Variants in CPEB1 observed in about 807,000 individuals in gnomAD.
CPEB1 encodes the protein cytoplasmic polyadenylation element binding protein 1.
In CPEB1, 7 loss-of-function variants were observed where a neutral mutation model predicts 65.8. The ratio of observed to expected loss-of-function variants is 0.11; its 90% CI spans 0.06 to 0.20. The LOEUF is 0.20. CPEB1 is among the 10% of genes least tolerant of loss of function. The pLI is 1.00. For missense variants in CPEB1, 551 were observed against 712.2 expected, an observed-to-expected ratio of 0.77 and a Z score of 2.58; for synonymous variants, 262 against 260.0, an observed-to-expected ratio of 1.01 and a Z score of -0.08.
At chr15:82,616,268 C>T (rs2044697627) in intron 3 of CPEB1, among the ~76,000 whole-genome samples, 1 of 152,032 alleles carries the variant, frequency 6.6e-6, no homozygotes, top group African/African-American at 2.4e-5. Flanking sequence ...TTAAACTGTG[C>T]ATTTTCCTCA....
intron 3 of CPEB1, among the ~76,000 whole-genome samples, chr15:82,624,074 T>C (rs982220324): frequency 1.3e-5 from 2 of 152,242 alleles, no homozygotes; most frequent in Non-Finnish European, 2.9e-5. Flanking sequence ...AGGTTCTTCA[T>C]AGAAAAATAT....
intron 5 of CPEB1, 140 bp downstream of exon 5, chr15:82,557,620 A>G (rs2150978436): frequency 2.9e-6 from 2 of 689,638 alleles, no homozygotes; most frequent in South Asian, 3.7e-5. Flanking sequence ...TGTCCACAAT[A>G]ATCTCCACTC....
intron 3 of CPEB1, among the ~76,000 whole-genome samples, chr15:82,578,776 A>T (rs112637824): frequency 6.6e-6 from 1 of 152,052 alleles, no homozygotes; most frequent in Admixed American, 6.5e-5. Flanking sequence ...AACAAACAAA[A>T]AAAACCCCAA....
At chr15:82,545,950 A>G (rs1357285150) in intron 12 of CPEB1, among the ~76,000 whole-genome samples, 2 of 152,194 alleles carry the variant, frequency 1.3e-5, no homozygotes, top group African/African-American at 4.8e-5. Context: ...ACCAAAGTAT[A>G]AAGACTCAAT....
At chr15:82,636,291 A>G (rs146486829) in intron 1 of CPEB1, among the ~76,000 whole-genome samples, 1 of 152,312 alleles carries the variant, frequency 6.6e-6, no homozygotes, top group African/African-American at 2.4e-5. Context: ...AAAAGACACT[A>G]AACAACTGCT....
At chr15:82,606,824 A>C (rs1317584529) in intron 3 of CPEB1, among the ~76,000 whole-genome samples, 1 of 148,240 alleles carries the variant, frequency 6.7e-6, no homozygotes, top group Admixed American at 6.7e-5. Context: ...TCTCAAAAAA[A>C]AAAAAAAAAA....
chr15:82,552,664 A>G (rs772719177), intron 8 of CPEB1, 48 bp from the exon 9 acceptor site: 3 of 1,602,324 alleles, frequency 1.9e-6, no homozygotes, highest in Non-Finnish European at 1.7e-6. Flanking sequence ...TTAGGTGGCC[A>G]CTCCTCAGCC....
chr15:82,637,403 T>C lies in CPEB1; in HGVS notation c.-97-8847A>G, dbSNP rs554641172. On this transcript the variant is annotated intron_variant, in intron 1 of 12. Coordinates refer to ENST00000684509, the MANE Select transcript of CPEB1 (RefSeq NM_001365242.1). ...TCATACCCACAGGGCCTCTTGGTTA[T>C]ACCTGCCACAGCTCTCACACCTTTG... Among the ~76,000 whole-genome samples the C allele has an allele frequency of 2.6e-5, 4 of 152,340 alleles. No individual in the cohort carries two copies. The South Asian group carries it at 8.3e-4, about 32-fold the overall frequency.
intron 3 of CPEB1, among the ~76,000 whole-genome samples, chr15:82,619,640 A>T (rs996650770): frequency 6.6e-6 from 1 of 152,218 alleles, no homozygotes; most frequent in African/African-American, 2.4e-5. Flanking sequence ...CTGAAGAGAC[A>T]CTTCAAGAAA....
intron 2 of CPEB1, among the ~76,000 whole-genome samples, chr15:82,627,746 C>T (rs986807594): frequency 6.6e-6 from 1 of 152,174 alleles, no homozygotes; most frequent in Non-Finnish European, 1.5e-5. Flanking sequence ...CACCAGCTGC[C>T]AGTCTTTTGG....
rs1193162459 is a variant in CPEB1, at chr15:82,549,482, T to C, written c.1458A>G (p.Thr486=). 8.7e-6 allele frequency: 14 copies of C among 1,614,098 alleles called. No individual in the cohort carries two copies. Among genetic ancestry groups the C allele is most frequent in the Non-Finnish European group, 1.2e-5 (14 of 1,180,050 alleles). The part of the protein sequence containing the change: ...FGGVVYAGID[T]DKHKYPIGSG... ...TACCAATGGGATACTTGTGCTTATC[T>C]GTGTCAATCCCGGCATACACCACTC... Residue 486 remains threonine, a synonymous_variant, in exon 10 of 13, where the codon ACA becomes ACG. Transcript: ENST00000684509.
chr15:82,589,887 C>T (rs2042084778), intron 3 of CPEB1, among the ~76,000 whole-genome samples: 1 of 152,122 alleles, frequency 6.6e-6, no homozygotes, highest in Non-Finnish European at 1.5e-5. Context: ...ATTTACACTG[C>T]ATTAGGTATA....
chr15:82,648,045 ACCTGTGTCGGC>A (rs1377235092), upstream of CPEB1: 1 of 432,772 alleles, frequency 2.3e-6, no homozygotes, highest in African/African-American at 2.1e-5. Flanking sequence ...GATGCGGAGC[ACCTGTGTCGGC>A]CCCGCCCGGG....
In CPEB1 at chr15:82,641,157, G is replaced by A. The variant is rs188599952; in HGVS notation, c.-98+5980C>T. Among the ~76,000 whole-genome samples, 404 of 152,224 alleles carry A rather than the reference G, an allele frequency of 2.7e-3. 1 individual carries two copies. Among genetic ancestry groups the A allele is most frequent in the Admixed American group, 4.7e-3 (72 of 15,290 alleles). Reference sequence around the variant, plus strand: ...GTCAGAGATTATATCTGGCTTTGGTGTCAACTCCAAGTTATATGTAGGAGA... The same window carrying A: ...GTCAGAGATTATATCTGGCTTTGGTATCAACTCCAAGTTATATGTAGGAGA... On this transcript the variant is annotated intron_variant, in intron 1 of 12. Coordinates refer to ENST00000684509, the MANE Select transcript of CPEB1 (RefSeq NM_001365242.1).
intron 3 of CPEB1, among the ~76,000 whole-genome samples, chr15:82,590,234 A>AC (rs1158663074): frequency 7.6e-6 from 1 of 131,712 alleles, no homozygotes; most frequent in East Asian, 2.2e-4. Flanking sequence ...AAAAAAAAAA[A>AC]AAAAAACAGT....
intron 3 of CPEB1, among the ~76,000 whole-genome samples, chr15:82,601,670 T>G (rs72751665): frequency 6.6e-6 from 1 of 152,086 alleles, no homozygotes; most frequent in Non-Finnish European, 1.5e-5. Context: ...AGGTCACTGA[T>G]TGACAGGTTG....
chr15:82,626,470 A>T (rs2045786620), intron 3 of CPEB1, among the ~76,000 whole-genome samples: 1 of 152,114 alleles, frequency 6.6e-6, no homozygotes, highest in Admixed American at 6.6e-5. Flanking sequence ...AAAATATAAA[A>T]TAAAATAAAT....
intron 12 of CPEB1, among the ~76,000 whole-genome samples, chr15:82,545,968 AT>A (rs2035121405): frequency 6.6e-6 from 1 of 150,954 alleles, no homozygotes; most frequent in Non-Finnish European, 1.5e-5. Flanking sequence ...AATTCAACAT[AT>A]TTTCTTAAGA....
rs1444004536 is a variant in CPEB1, at chr15:82,550,565, G to A, written c.1282-907C>T. On this transcript the variant is annotated intron_variant, in intron 9 of 12. Transcript: ENST00000684509. Reference sequence around the variant, plus strand: ...CTGGGCCTACACGGTCTTGGGATGAGAGGACCTGGCAGAAGTTACAAGAGG... The same window carrying A: ...CTGGGCCTACACGGTCTTGGGATGAAAGGACCTGGCAGAAGTTACAAGAGG... 3.9e-5 allele frequency among the ~76,000 whole-genome samples: 6 copies of A among 152,320 alleles called. No individual in the cohort carries two copies. The East Asian group carries it at 1.2e-3, about 29-fold the overall frequency.
Sources: allele counts gnomAD v4.1 joint callset (sites outside exome capture counted in the v4.1 genomes callset), GRCh38; gene constraint gnomAD v4.1.1; transcripts MANE v1.5; gene names NCBI Gene and HGNC (gene_info 2026-07-23, HGNC 2026-07-21).